Variants in TBC1D30 observed in about 807,000 individuals in gnomAD.
TBC1D30 encodes TBC1 domain family member 30.
In TBC1D30, 31 loss-of-function variants were observed where a neutral mutation model predicts 63.2. The ratio of observed to expected loss-of-function variants is 0.49; its 90% CI spans 0.37 to 0.66. TBC1D30 has a LOEUF of 0.66. Ranked by LOEUF, TBC1D30 falls within the 30% of genes least tolerant of loss-of-function variation. The pLI is 0.00. For missense variants in TBC1D30, 810 were observed against 953.6 expected (o/e 0.85, Z 1.98); for synonymous variants, 307 against 361.5 (o/e 0.85, Z 1.71).
At position 64,874,990 on chromosome 12, in the gene TBC1D30, A is replaced by G. The variant is rs537404016; in HGVS notation, c.1499-11A>G. The G allele has an allele frequency of 1.2e-5, 19 of 1,531,552 alleles. No homozygotes were observed. In the Admixed American group the frequency reaches 2.2e-4, roughly 18 times the overall value. The allele number at this position is 1,531,552 out of a possible 1,614,324, so 94.9% of individuals were successfully genotyped here. On this transcript the variant is annotated splice_polypyrimidine_tract_variant and intron_variant, in intron 11 of 11. Transcript: ENST00000539867. ...GGTACACTTCATACTACCTTTCAAC[A>G]TTTCTTTCAGACAAAGGGCCAGTGA...
At chr12:64,824,639 C>T (rs1592594742), upstream of TBC1D30, 2 of 415,202 alleles carry the variant, frequency 4.8e-6, no homozygotes, top group African/African-American at 4.1e-5. Flanking sequence ...CGAGCGATCT[C>T]CTGCCTCAGC....
intron 2 of TBC1D30, among the ~76,000 whole-genome samples, chr12:64,789,745 A>T (rs1354610874): frequency 6.6e-6 from 1 of 152,188 alleles, no homozygotes; most frequent in East Asian, 1.9e-4. Context: ...AATAAGAAAA[A>T]CAAGATCAAT....
intron 1 of TBC1D30, among the ~76,000 whole-genome samples, chr12:64,769,585 A>G (rs1293492949): frequency 7.0e-6 from 1 of 143,316 alleles, no homozygotes; most frequent in Admixed American, 7.1e-5. Flanking sequence ...ACGGGGTTTC[A>G]CCATCTTGGA....
At chr12:64,861,538 A>G (rs1271267227) in intron 8 of TBC1D30, among the ~76,000 whole-genome samples, 5 of 152,180 alleles carry the variant, frequency 3.3e-5, no homozygotes, top group Non-Finnish European at 7.3e-5. Context: ...TTTCTGTTCT[A>G]AGTGCCATAC....
At chr12:64,829,078 A>G (rs1264651949) in intron 3 of TBC1D30, among the ~76,000 whole-genome samples, 1 of 151,962 alleles carries the variant, frequency 6.6e-6, no homozygotes, top group Non-Finnish European at 1.5e-5. Context: ...GGGGTCATAG[A>G]GGTAATGTGG....
chr12:64,879,563 CTTTCCT>C lies in TBC1D30; in HGVS notation c.*3779_*3784del, dbSNP rs1347029856. The C allele has an allele frequency of 2.0e-5, 3 of 152,262 alleles. No individual in the cohort carries two copies. The highest frequency in any genetic ancestry group is 2.0e-4 in the Admixed American group (3 of 15,280). The allele number at this position is 152,262 out of a possible 1,614,324, so 9.4% of individuals were successfully genotyped here. A position where few individuals can be genotyped will look rare whatever the true frequency, so the allele number is the denominator to read the frequency against. On this transcript the variant is annotated 3_prime_UTR_variant, in exon 12 of 12. Transcript: ENST00000539867. ...TACATCCTGGAAGAGGCAGCAGTCTCTTTCCTTTTTTTTCCTTTCTATGACTTCTAG... is the reference window on the plus strand; with the variant it reads ...TACATCCTGGAAGAGGCAGCAGTCTCTTTTTTTCCTTTCTATGACTTCTAG...
At chr12:64,846,914 GTTAAC>G (rs1463021954) in intron 8 of TBC1D30, among the ~76,000 whole-genome samples, 3 of 146,476 alleles carry the variant, frequency 2.0e-5, no homozygotes, top group African/African-American at 7.6e-5. Flanking sequence ...CATTTCTTTG[GTTAAC>G]TTAATTCCTA....
intron 2 of TBC1D30, among the ~76,000 whole-genome samples, chr12:64,807,831 G>A (rs1328231233): frequency 6.6e-6 from 1 of 151,068 alleles, no homozygotes; most frequent in African/African-American, 2.4e-5. Flanking sequence ...CTGTAACCTT[G>A]AACTCCTGGG....
chr12:64,871,612 T>A (rs1878663064), intron 11 of TBC1D30, among the ~76,000 whole-genome samples: 1 of 152,256 alleles, frequency 6.6e-6, no homozygotes, highest in Non-Finnish European at 1.5e-5. Context: ...GATTCTCACT[T>A]TATCCTGAGT....
At chr12:64,843,310 C>T in intron 7 of TBC1D30, 70 bp from the exon 8 acceptor site, 1 of 1,322,742 alleles carries the variant, frequency 7.6e-7, no homozygotes, top group Non-Finnish European at 1.0e-6. Context: ...TATCTTATAC[C>T]TGCAGCATGT....
intron 5 of TBC1D30, 40 bp downstream of exon 5, chr12:64,832,344 T>C (rs1218334267): frequency 1.0e-5 from 15 of 1,505,330 alleles, no homozygotes; most frequent in Non-Finnish European, 1.2e-5. Flanking sequence ...GACATTCTTC[T>C]GAGAGTGAGA....
At chr12:64,765,712 T>C (rs1870687512) in intron 1 of TBC1D30, among the ~76,000 whole-genome samples, 1 of 149,412 alleles carries the variant, frequency 6.7e-6, no homozygotes, top group African/African-American at 2.5e-5. Flanking sequence ...GATATATAAC[T>C]GGGCCAGGCA....
Position 64,866,753 on chromosome 12 carries a change from TG to T in TBC1D30, c.1152-10del. 6.5e-7 allele frequency: 1 copy of T among 1,533,314 alleles called. No homozygotes were observed. The highest frequency in any genetic ancestry group is 8.7e-7 in the Non-Finnish European group (1 of 1,146,120). 95.0% of individuals were successfully genotyped at this position (1,533,314 alleles called of 1,614,324 possible). ...TTGTATATTTCTTTTTTGTCTTTTA[TG>T]TTTTCCAAGACGACATAGTAAGGCC... On this transcript the variant is annotated splice_polypyrimidine_tract_variant and intron_variant, in intron 9 of 11. Transcript: ENST00000539867.
At chr12:64,828,757 A>G (rs1268147249) in intron 3 of TBC1D30, among the ~76,000 whole-genome samples, 1 of 152,230 alleles carries the variant, frequency 6.6e-6, no homozygotes, top group Non-Finnish European at 1.5e-5. Flanking sequence ...TGAATAAAAT[A>G]TAAAGTATGT....
At chr12:64,830,636 C>A (rs1874772290) in intron 4 of TBC1D30, 134 bp downstream of exon 4, 1 of 834,716 alleles carries the variant, frequency 1.2e-6, no homozygotes, top group East Asian at 2.8e-5. Flanking sequence ...CTTCTCATTT[C>A]ATTAGCTTTT....
chr12:64,872,518 C>G (rs1243924797), intron 11 of TBC1D30, among the ~76,000 whole-genome samples: 1 of 152,076 alleles, frequency 6.6e-6, no homozygotes, highest in Non-Finnish European at 1.5e-5. Context: ...AGGCAAAGCT[C>G]TAGAGCTTTG....
At chr12:64,800,218 A>G (rs1273979800) in intron 2 of TBC1D30, among the ~76,000 whole-genome samples, 2 of 152,316 alleles carry the variant, frequency 1.3e-5, no homozygotes, top group African/African-American at 2.4e-5. Flanking sequence ...AGGGAGCATC[A>G]GGTATTTGGG....
chr12:64,772,515 C>T (rs533207551), intron 1 of TBC1D30, among the ~76,000 whole-genome samples: 25 of 152,084 alleles, frequency 1.6e-4, no homozygotes, highest in South Asian at 6.2e-4. Flanking sequence ...CTGCAACCTC[C>T]GCCTCCCCGG....
chr12:64,816,548 T>G (rs1284807264), intron 2 of TBC1D30, among the ~76,000 whole-genome samples: 1 of 152,180 alleles, frequency 6.6e-6, no homozygotes, highest in Non-Finnish European at 1.5e-5. Context: ...ATCAGTTAAA[T>G]TGGTCTCAGA....
Sources: gnomAD v4.1 joint callset for allele counts (sites outside exome capture counted in the v4.1 genomes callset) on GRCh38, gnomAD v4.1.1 for gene constraint, MANE v1.5 for transcripts, NCBI Gene and HGNC (gene_info 2026-07-23, HGNC 2026-07-21) for gene names.